The following HM13 variants were observed in gnomAD, a reference collection of about 807,000 sequenced individuals.
The protein encoded by HM13 is signal peptide peptidase.
Under a neutral mutation model 50.0 loss-of-function variants are expected in HM13, and 18 were observed. The ratio of observed to expected loss-of-function variants is 0.36; its 90% CI spans 0.25 to 0.53. The LOEUF is 0.53. Among genes scored for constraint, HM13 ranks in the 20% least tolerant of loss-of-function variants. The pLI is 0.90. For missense variants in HM13, 393 were observed against 552.4 expected (o/e 0.71, Z 2.89); for synonymous variants, 197 against 232.6 (o/e 0.85, Z 1.39).
chr20:31,514,531 G>C lies in HM13; in HGVS notation c.-21G>C. The stretch of plus-strand genomic sequence containing the variant: ...GCTGCAGCAACCGGAGCTGGAGTCG[G>C]ATCCCGAACGCACCCTCGCCATGGA... On this transcript the variant is annotated 5_prime_UTR_variant, in exon 1 of 13. Transcript: ENST00000398174. This position sits in a 1 kb window ranked among gnomAD's most constrained non-coding sequence, Gnocchi z 4.3. 1 of 1,598,648 alleles carries C rather than the reference G, an allele frequency of 6.3e-7. No homozygotes were observed. The highest frequency in any genetic ancestry group is 8.5e-7 in the Non-Finnish European group (1 of 1,174,954).
At position 31,549,201 on chromosome 20, in the gene HM13, C is replaced by A. The variant is rs1342624692; in HGVS notation, c.541-6C>A. The A allele has an allele frequency of 6.2e-7, 1 of 1,614,206 alleles. No individual in the cohort carries two copies. On this transcript the variant is annotated splice_polypyrimidine_tract_variant and splice_region_variant and intron_variant, in intron 5 of 12. Coordinates refer to ENST00000398174, the MANE Select transcript of HM13 (RefSeq NM_178581.3). ...GCAAGCTGGTCTCACTCCCCGCTTT[C>A]CTCAGCACTGGATTGCCAACAACCT...
chr20:31,539,340 G>A, intron 3 of HM13: 31 of 985,458 alleles, frequency 3.1e-5, no homozygotes, highest in South Asian at 9.4e-5. Context: ...AACACTGATA[G>A]ACCAAGAGGT....
chr20:31,538,705 T>A, intron 3 of HM13: 2 of 993,960 alleles, frequency 2.0e-6, no homozygotes, highest in Non-Finnish European at 2.4e-6. Flanking sequence ...TTGACTACCT[T>A]ACTTTGAGTC....
chr20:31,548,282 G>A, intron 4 of HM13: 1 of 441,968 alleles, frequency 2.3e-6, no homozygotes, highest in Non-Finnish European at 4.1e-6. Flanking sequence ...GGAGTGTCTG[G>A]ACTCTGTGAC....
chr20:31,569,236 G>C lies in HM13; in HGVS notation c.*17G>C. ...GAGAAATGATGCAGCTGGTGCCCGA[G>C]CCTCTCAGGGCCAGACCAGACAGAT... On this transcript the variant is annotated 3_prime_UTR_variant, in exon 13 of 13. Transcript: ENST00000398174. The C allele has an allele frequency of 2.0e-6, 3 of 1,500,664 alleles. No homozygotes were observed. Among genetic ancestry groups the C allele is most frequent in the Non-Finnish European group, 2.7e-6 (3 of 1,095,962 alleles). The allele number at this position is 1,500,664 out of a possible 1,614,324, so 93.0% of individuals were successfully genotyped here.
At chr20:31,543,508 C>CA (rs1330557798) in intron 3 of HM13, among the ~76,000 whole-genome samples, 1 of 151,728 alleles carries the variant, frequency 6.6e-6, no homozygotes, top group Admixed American at 6.6e-5. Context: ...AGGCTGGTCT[C>CA]GAACTCCTGA....
chr20:31,559,645 C>G lies in HM13; in HGVS notation c.843C>G (p.Ile281Met), dbSNP rs778338252. Residue 281 changes from isoleucine to methionine, a missense_variant and splice_region_variant, in exon 9 of 13, where the codon ATC becomes ATG. By Grantham distance (10) the Ile-to-Met change is conservative. Transcript: ENST00000398174. ...IFIALLLRFDISLKKNTHTYF... is the reference protein window; with the variant it reads ...IFIALLLRFDMSLKKNTHTYF... Reference sequence around the variant, plus strand: ...TTGCCTTGCTGCTGCGCTTTGACATCAGGTGAGTGAGTGAGGGCCTGCCCC... The same window carrying G: ...TTGCCTTGCTGCTGCGCTTTGACATGAGGTGAGTGAGTGAGGGCCTGCCCC... 3 of 1,614,132 alleles carry G rather than the reference C, an allele frequency of 1.9e-6. No homozygotes were observed. Among genetic ancestry groups the G allele is most frequent in the Admixed American group, 1.7e-5 (1 of 60,014 alleles).
In HM13 at chr20:31,569,290, G is replaced by A. The variant is rs574566952; in HGVS notation, c.*71G>A. 3.9e-5 allele frequency: 43 copies of A among 1,100,400 alleles called. No homozygotes were observed. The Admixed American group carries it at 5.8e-4, about 15-fold the overall frequency. 68.2% of individuals were successfully genotyped at this position (1,100,400 alleles called of 1,614,324 possible). On this transcript the variant is annotated 3_prime_UTR_variant, in exon 13 of 13. Transcript: ENST00000398174. The stretch of plus-strand genomic sequence containing the variant: ...GGCTGGGCCCACACAGGCGTGCACC[G>A]GTAGAGGGCACAGGAGGCCAAGGGC...
In HM13 at chr20:31,568,073, C is replaced by T. The variant is rs768591290; in HGVS notation, c.1035-5C>T. On this transcript the variant is annotated splice_polypyrimidine_tract_variant and splice_region_variant and intron_variant, in intron 11 of 12. Coordinates refer to ENST00000398174, the MANE Select transcript of HM13 (RefSeq NM_178581.3). ...TTTTCTGTCTCTTCTCTCTCTCTCA[C>T]ACAGCTACGAGTCCTCGGCGGAAAT... 1.2e-6 allele frequency: 2 copies of T among 1,603,300 alleles called. No individual in the cohort carries two copies. Among genetic ancestry groups the T allele is most frequent in the Non-Finnish European group, 1.7e-6 (2 of 1,174,594 alleles).
intron 4 of HM13, among the ~76,000 whole-genome samples, chr20:31,546,423 G>A (rs999351621): frequency 1.3e-5 from 2 of 151,998 alleles, no homozygotes; most frequent in Admixed American, 6.6e-5. Flanking sequence ...GCATCTCTAA[G>A]GAACCTCTGT....
chr20:31,568,050 TTC>T (rs769945173), intron 11 of HM13, 26 bp from the exon 12 acceptor site: 1 of 1,557,694 alleles, frequency 6.4e-7, no homozygotes, highest in South Asian at 1.2e-5. Flanking sequence ...ATCTCTTTTT[TTC>T]TGTCTCTTCT....
chr20:31,550,074 C>G lies in HM13; in HGVS notation c.677C>G (p.Thr226Ser), dbSNP rs1458009957. The G allele has an allele frequency of 6.2e-7, 1 of 1,613,630 alleles. No homozygotes were observed. Residue 226 changes from threonine to serine, a missense_variant, in exon 7 of 13, where the codon ACC becomes AGC. Physicochemically the swap from Thr to Ser is moderately conservative, Grantham distance 58. Coordinates refer to ENST00000398174, the MANE Select transcript of HM13 (RefSeq NM_178581.3). ...TTTTTCTCCTTCTAGGTATTTGGCA[C>G]CAATGTGATGGTGACAGTGGCCAAG... ...FIYDVFWVFGTNVMVTVAKSF... is the reference protein window; with the variant it reads ...FIYDVFWVFGSNVMVTVAKSF...
chr20:31,569,443 T>G lies in HM13; in HGVS notation c.*224T>G. On this transcript the variant is annotated 3_prime_UTR_variant, in exon 13 of 13. Transcript: ENST00000398174. ...CCTGCAGGCAAAAGAAACCCCCAGC[T>G]TCCCCCCTCCCCGGGAGCCAGGTGG... 4 of 399,094 alleles carry G rather than the reference T, an allele frequency of 1.0e-5. No individual in the cohort carries two copies. The highest frequency in any genetic ancestry group is 1.4e-5 in the Non-Finnish European group (3 of 218,284). 24.7% of individuals were successfully genotyped at this position (399,094 alleles called of 1,614,324 possible).
intron 1 of HM13, among the ~76,000 whole-genome samples, chr20:31,516,430 G>T (rs1448068740): frequency 6.6e-6 from 1 of 151,988 alleles, no homozygotes; most frequent in Admixed American, 6.6e-5. Flanking sequence ...AAGGAATTCG[G>T]GAGCGTAGGT....
intron 4 of HM13, among the ~76,000 whole-genome samples, chr20:31,545,481 CTGGCCAGAAACAG>C (rs1324330948): frequency 6.6e-6 from 1 of 152,134 alleles, no homozygotes; most frequent in Non-Finnish European, 1.5e-5. Flanking sequence ...AAAATAAAAA[CTGGCCAGAAACAG>C]TGTCTCATGC....
At chr20:31,536,028 T>C (rs1307714249) in intron 2 of HM13, among the ~76,000 whole-genome samples, 2 of 151,650 alleles carry the variant, frequency 1.3e-5, no homozygotes, top group Non-Finnish European at 2.9e-5. Context: ...CCCAAGCCCT[T>C]GTATCCAGCC....
chr20:31,524,733 A>G (rs1477480994), intron 1 of HM13, among the ~76,000 whole-genome samples: 2 of 63,984 alleles, frequency 3.1e-5, no homozygotes, highest in African/African-American at 1.2e-4. Flanking sequence ...TTTTTTTTTT[A>G]GATGGAGTCT....
intron 10 of HM13, among the ~76,000 whole-genome samples, chr20:31,564,403 C>T (rs913668880): frequency 6.6e-6 from 1 of 152,046 alleles, no homozygotes; most frequent in African/African-American, 2.4e-5. Flanking sequence ...ATGGTGACAA[C>T]CAGTCTCTAC....
In HM13 at chr20:31,527,558, C is replaced by T; in HGVS notation, c.258C>T (p.Leu86=). Residue 86 remains leucine, a synonymous_variant, in exon 2 of 13, where the codon CTC becomes CTT. Transcript: ENST00000398174. ...ARFPIIASCT[L]LGLYLFFKIF... ...TCCCCATCATCGCCAGCTGCACACT[C>T]TTGGGGCTCTACCTCTTTTTCAAAG... 1.2e-6 allele frequency: 2 copies of T among 1,613,688 alleles called. No homozygotes were observed. Among genetic ancestry groups the T allele is most frequent in the Non-Finnish European group, 1.7e-6 (2 of 1,179,690 alleles).
Sources: gnomAD v4.1 joint callset for allele counts (sites outside exome capture counted in the v4.1 genomes callset) on GRCh38, gnomAD v4.1.1 for gene constraint, Gnocchi (gnomAD v3.1) non-coding constraint, MANE v1.5 for transcripts, NCBI Gene and HGNC (gene_info 2026-07-23, HGNC 2026-07-21) for gene names.